Variants in MCF2L2 observed in about 807,000 individuals in gnomAD.
MCF2L2 encodes probable guanine nucleotide exchange factor MCF2L2.
A neutral mutation model predicts 150.2 loss-of-function variants in MCF2L2; 102 were observed. The ratio of observed to expected loss-of-function variants is 0.68; its 90% CI spans 0.58 to 0.80. The LOEUF is 0.80. Ranked by LOEUF, MCF2L2 falls within the 30% of genes least tolerant of loss-of-function variation. MCF2L2 has a pLI of 0.00. For missense variants in MCF2L2, 1,256 were observed against 1,372.8 expected (o/e 0.91, Z 1.34); for synonymous variants, 465 against 491.3 (o/e 0.95, Z 0.71).
chr3:183,281,741 C>T (rs1374950535), intron 14 of MCF2L2, among the ~76,000 whole-genome samples: 1 of 151,970 alleles, frequency 6.6e-6, no homozygotes, highest in Admixed American at 6.6e-5. Context: ...TTTAGGACAT[C>T]GTATGGACTG....
At chr3:183,185,576 T>G (rs1721664774) in intron 27 of MCF2L2, among the ~76,000 whole-genome samples, 1 of 152,236 alleles carries the variant, frequency 6.6e-6, no homozygotes, top group Non-Finnish European at 1.5e-5. Flanking sequence ...GTTTGAGCCC[T>G]TCATCATTGT....
intron 1 of MCF2L2, among the ~76,000 whole-genome samples, chr3:183,407,647 C>T (rs1209790770): frequency 6.6e-6 from 1 of 152,066 alleles, no homozygotes; most frequent in Non-Finnish European, 1.5e-5. Context: ...TCAGTTTTCC[C>T]AAGGCACTGA....
At chr3:183,209,441 T>G (rs1722610396) in intron 22 of MCF2L2, among the ~76,000 whole-genome samples, 1 of 152,174 alleles carries the variant, frequency 6.6e-6, no homozygotes, top group African/African-American at 2.4e-5. Flanking sequence ...ATGTGATGGG[T>G]GGCAGTCAAA....
chr3:183,308,932 T>C (rs968605761), intron 10 of MCF2L2, among the ~76,000 whole-genome samples: 1 of 152,200 alleles, frequency 6.6e-6, no homozygotes, highest in African/African-American at 2.4e-5. Flanking sequence ...ACAGGGGACT[T>C]GGTCCCCAAG....
chr3:183,277,568 T>C (rs1727232171), intron 14 of MCF2L2, among the ~76,000 whole-genome samples: 2 of 151,792 alleles, frequency 1.3e-5, no homozygotes, highest in African/African-American at 4.8e-5. Flanking sequence ...CTTTCACAGA[T>C]GCGTGATAAC....
At chr3:183,409,757 T>G (rs772158294) in intron 1 of MCF2L2, among the ~76,000 whole-genome samples, 1 of 152,128 alleles carries the variant, frequency 6.6e-6, no homozygotes. Context: ...GGTTTCACCA[T>G]GTTGGTCAGG....
At chr3:183,219,996 T>A in intron 20 of MCF2L2, 72 bp from the exon 21 acceptor site, 1 of 1,096,916 alleles carries the variant, frequency 9.1e-7, no homozygotes, top group Non-Finnish European at 1.4e-6. Flanking sequence ...GTCAACAAAA[T>A]CTACTGTGCA....
chr3:183,206,104 G>A lies in MCF2L2; in HGVS notation c.2805+18C>T. On this transcript the variant is annotated intron_variant, in intron 24 of 29. Coordinates refer to ENST00000328913, the MANE Select transcript of MCF2L2 (RefSeq NM_015078.4). ...AGGAAAGAGTAGAGGAGACCCATGGGGAAGGCATGAGCGTTACCTGCAGGA... is the reference window on the plus strand; with the variant it reads ...AGGAAAGAGTAGAGGAGACCCATGGAGAAGGCATGAGCGTTACCTGCAGGA... The A allele has an allele frequency of 1.2e-6, 2 of 1,609,988 alleles. No individual in the cohort carries two copies. The highest frequency in any genetic ancestry group is 1.7e-6 in the Non-Finnish European group (2 of 1,176,298).
At chr3:183,380,653 C>T (rs942295276) in intron 2 of MCF2L2, among the ~76,000 whole-genome samples, 2 of 152,212 alleles carry the variant, frequency 1.3e-5, no homozygotes, top group African/African-American at 2.4e-5. Context: ...CCACCCGCCT[C>T]GGCCTCCCAA....
intron 22 of MCF2L2, among the ~76,000 whole-genome samples, chr3:183,209,629 C>T (rs377514365): frequency 9.9e-5 from 15 of 152,122 alleles, no homozygotes; most frequent in Admixed American, 2.6e-4. Context: ...GCTTGGATTA[C>T]AGGCGTGCAT....
At position 183,291,809 on chromosome 3, in the gene MCF2L2, T is replaced by C. The variant is rs563863164; in HGVS notation, c.1676-2589A>G. Among the ~76,000 whole-genome samples, 16 of 152,346 alleles carry C rather than the reference T, an allele frequency of 1.1e-4. No homozygotes were observed. The South Asian group carries it at 1.4e-3, about 14-fold the overall frequency. On this transcript the variant is annotated intron_variant, in intron 13 of 29. Coordinates refer to ENST00000328913, the MANE Select transcript of MCF2L2 (RefSeq NM_015078.4). ...CCTGTTCAGACTTGACAAAGACCTA[T>C]TTATTCTGGGAAGGAGTGTTATCTA...
rs187042165 is a variant in MCF2L2 at position 183,329,228 on chromosome 3, G to A, written c.487-5877C>T. Among the ~76,000 whole-genome samples the A allele has an allele frequency of 3.3e-3, 507 of 152,226 alleles. 5 individuals are homozygous for A. The highest frequency in any genetic ancestry group is 4.2e-3 in the Non-Finnish European group (287 of 68,014). On this transcript the variant is annotated intron_variant, in intron 5 of 29. Coordinates refer to ENST00000328913, the MANE Select transcript of MCF2L2 (RefSeq NM_015078.4). Reference sequence around the variant, plus strand: ...TTTTTTTTCTTTGAGACAGCGTCTCGCTCTGTCGCCCAGGCTGGAGTGCAG... The same window carrying A: ...TTTTTTTTCTTTGAGACAGCGTCTCACTCTGTCGCCCAGGCTGGAGTGCAG...
intron 5 of MCF2L2, among the ~76,000 whole-genome samples, chr3:183,323,837 T>C (rs1016583055): frequency 4.0e-5 from 6 of 151,662 alleles, no homozygotes; most frequent in Admixed American, 6.6e-5. Context: ...GGGAAATATT[T>C]TAAAGTCTCT....
At chr3:183,346,058 T>C (rs2108546666) in intron 3 of MCF2L2, among the ~76,000 whole-genome samples, 1 of 152,340 alleles carries the variant, frequency 6.6e-6, no homozygotes, top group South Asian at 2.1e-4. Context: ...GACTCCTCCC[T>C]AGCTCATTTT....
At chr3:183,280,629 A>G (rs901250146) in intron 14 of MCF2L2, among the ~76,000 whole-genome samples, 10 of 152,036 alleles carry the variant, frequency 6.6e-5, no homozygotes, top group African/African-American at 2.4e-4. Context: ...GGGGCAGATC[A>G]CCTGTGGTCA....
intron 21 of MCF2L2, among the ~76,000 whole-genome samples, chr3:183,216,424 T>C (rs1722915267): frequency 7.0e-6 from 1 of 142,270 alleles, no homozygotes; most frequent in South Asian, 2.1e-4. Flanking sequence ...TATGTGTATA[T>C]ATATTATATA....
intron 14 of MCF2L2, among the ~76,000 whole-genome samples, chr3:183,285,735 T>C (rs1343862466): frequency 6.6e-6 from 1 of 152,226 alleles, no homozygotes; most frequent in African/African-American, 2.4e-5. Context: ...TTCTTTTTTT[T>C]CATCTTCTGG....
intron 27 of MCF2L2, among the ~76,000 whole-genome samples, chr3:183,191,656 C>T (rs943944050): frequency 6.6e-6 from 1 of 152,174 alleles, no homozygotes; most frequent in African/African-American, 2.4e-5. Context: ...TTCACAATGT[C>T]ATGGACAGAT....
intron 26 of MCF2L2, among the ~76,000 whole-genome samples, chr3:183,194,851 G>A (rs952601870): frequency 1.3e-5 from 2 of 152,024 alleles, no homozygotes; most frequent in Admixed American, 6.6e-5. Flanking sequence ...ATGTGATCTA[G>A]GCTCACTGCA....
Sources: allele counts gnomAD v4.1 joint callset (sites outside exome capture counted in the v4.1 genomes callset), GRCh38; gene constraint gnomAD v4.1.1; transcripts MANE v1.5; gene names NCBI Gene and HGNC (gene_info 2026-07-23, HGNC 2026-07-21).